The following ZNF738 variants were observed in gnomAD, a reference collection of about 807,000 sequenced individuals.
ZNF738 encodes the protein zinc finger protein 738, also known as protein ZNF738.
ZNF738 carries 10 observed loss-of-function variants against 9.2 expected under a neutral mutation model. That is an observed-to-expected ratio of 1.09 (90% CI 0.67 to 1.85). The LOEUF is 1.85. Among genes scored for constraint, ZNF738 ranks in the 40% most tolerant of loss-of-function variants. ZNF738 has a pLI of 0.00. For synonymous variants in ZNF738, 113 were observed against 94.5 expected (o/e 1.20, Z -1.14); for missense variants, 346 against 283.6 (o/e 1.22, Z -1.58).
Position 21,374,081 on chromosome 19 carries a change from C to T in ZNF738, c.97-1157C>T, listed in dbSNP as rs1310430140. ...AAGTGTTTCCCTTGTTGCTGTTGAACGTGGAAAGATGTGGATACTCAAGAT... is the reference window on the plus strand; with the variant it reads ...AAGTGTTTCCCTTGTTGCTGTTGAATGTGGAAAGATGTGGATACTCAAGAT... On this transcript the variant is annotated intron_variant, in intron 2 of 4. Transcript: ENST00000683779. 4.0e-5 allele frequency among the ~76,000 whole-genome samples: 6 copies of T among 151,736 alleles called. No homozygotes were observed. In the South Asian group the frequency reaches 6.2e-4, roughly 16 times the overall value.
At position 21,388,395 on chromosome 19, in the gene ZNF738, A is replaced by G. The variant is rs1974092729; in HGVS notation, c.*4721A>G. 6.6e-6 allele frequency among the ~76,000 whole-genome samples: 1 copy of G among 152,166 alleles called. No homozygotes were observed. Among genetic ancestry groups the G allele is most frequent in the East Asian group, 1.9e-4 (1 of 5,206 alleles). On this transcript the variant is annotated 3_prime_UTR_variant, in exon 5 of 5. Transcript: ENST00000683779. ...TCTATGGACAAGTAAGGACATTAGA[A>G]TGTAAGATGCATGATGAAAAAGTGG... is the stretch of plus-strand genomic sequence containing the variant.
chr19:21,379,885 A>G (rs1201736657), intron 4 of ZNF738, among the ~76,000 whole-genome samples: 1 of 152,220 alleles, frequency 6.6e-6, no homozygotes, highest in Non-Finnish European at 1.5e-5. Context: ...TAAAAGAAAC[A>G]TAAAGGAACT....
intron 1 of ZNF738, 87 bp downstream of exon 1, chr19:21,359,230 C>G (rs1391364106): frequency 3.4e-6 from 3 of 888,164 alleles, no homozygotes; most frequent in South Asian, 1.3e-5. Context: ...TCAGGCCTCC[C>G]CGCAGTCAGC....
At chr19:21,374,510 G>T (rs1446806244) in intron 2 of ZNF738, among the ~76,000 whole-genome samples, 2 of 152,180 alleles carry the variant, frequency 1.3e-5, no homozygotes, top group Non-Finnish European at 1.5e-5. Flanking sequence ...AAGAGCTCTT[G>T]GAAATATTCA....
At chr19:21,368,893 C>T (rs560300766) in intron 2 of ZNF738, among the ~76,000 whole-genome samples, 5 of 152,084 alleles carry the variant, frequency 3.3e-5, no homozygotes, top group Admixed American at 3.3e-4. Context: ...CTTGCCACGA[C>T]GCCCAGCTGA....
intron 2 of ZNF738, among the ~76,000 whole-genome samples, chr19:21,365,533 T>A (rs1340223729): frequency 6.6e-6 from 1 of 152,190 alleles, no homozygotes; most frequent in Non-Finnish European, 1.5e-5. Flanking sequence ...TATTCTTGCT[T>A]AACTATTAGA....
intron 2 of ZNF738, among the ~76,000 whole-genome samples, chr19:21,374,711 A>C (rs1368590441): frequency 6.6e-6 from 1 of 152,198 alleles, no homozygotes; most frequent in African/African-American, 2.4e-5. Context: ...GGGGTAAAAC[A>C]CAGGCTCTTC....
Position 21,387,920 on chromosome 19 carries a change from TG to T in ZNF738, c.*4248del, listed in dbSNP as rs1298621868. On this transcript the variant is annotated 3_prime_UTR_variant, in exon 5 of 5. Transcript: ENST00000683779. ...AAGTGTCTTGCAGATATAATAAATG[TG>T]GAAAAACACTTTTTCAAAAACTACA... Among the ~76,000 whole-genome samples, 1 of 152,150 alleles carries T rather than the reference TG, an allele frequency of 6.6e-6. No homozygotes were observed. The highest frequency in any genetic ancestry group is 1.5e-5 in the Non-Finnish European group (1 of 68,016).
chr19:21,371,817 C>T (rs1973860174), intron 2 of ZNF738: 1 of 152,080 alleles, frequency 6.6e-6, no homozygotes, highest in Non-Finnish European at 1.5e-5. Flanking sequence ...ACATATTTAT[C>T]TTCTAATAAA....
chr19:21,370,162 TTTAA>T (rs1324186240), intron 2 of ZNF738, among the ~76,000 whole-genome samples: 1 of 152,224 alleles, frequency 6.6e-6, no homozygotes, highest in Non-Finnish European at 1.5e-5. Context: ...GGTTTTTATC[TTTAA>T]TTGTGTTTAC....
In ZNF738 at chr19:21,383,367, C is replaced by A; in HGVS notation, c.821C>A (p.Thr274Asn). ...ECGKGFNHST[T>N]LTRHKVIHAG... ...GGAAAAGGTTTTAACCACTCCACAA[C>A]TCTTACTAGACATAAGGTAATTCAT... The change falls in exon 5 of 5, where the codon ACT (threonine) becomes AAT (asparagine). Residue 274 changes from threonine to asparagine, a missense_variant. Transcript: ENST00000683779. 1 of 1,039,004 alleles carries A rather than the reference C, an allele frequency of 9.6e-7. No homozygotes were observed. The highest frequency in any genetic ancestry group is 1.5e-6 in the Non-Finnish European group (1 of 683,048). 64.4% of individuals were successfully genotyped at this position (1,039,004 alleles called of 1,614,324 possible). A position where few individuals can be genotyped will look rare whatever the true frequency, so the allele number is the denominator to read the frequency against.
intron 4 of ZNF738, among the ~76,000 whole-genome samples, chr19:21,380,812 A>G (rs1973993753): frequency 6.6e-6 from 1 of 152,182 alleles, no homozygotes; most frequent in Non-Finnish European, 1.5e-5. Context: ...ACCAGCAGTC[A>G]GGACGTCCTG....
At position 21,385,169 on chromosome 19, in the gene ZNF738, G is replaced by C. The variant is rs1338455484; in HGVS notation, c.*1495G>C. On this transcript the variant is annotated 3_prime_UTR_variant, in exon 5 of 5. Coordinates refer to ENST00000683779, the MANE Select transcript of ZNF738 (RefSeq NM_001355237.2). The stretch of plus-strand genomic sequence containing the variant: ...TCCTCTACCCTTACTAAAGATAAAA[G>C]AGTTTGACTGGGTGCGGTGGCTCAT... Among the ~76,000 whole-genome samples, 1 of 151,776 alleles carries C rather than the reference G, an allele frequency of 6.6e-6. No homozygotes were observed. Among genetic ancestry groups the C allele is most frequent in the South Asian group, 2.1e-4 (1 of 4,814 alleles).
chr19:21,381,119 C>A (rs1217231986), intron 4 of ZNF738: 22 of 732,118 alleles, frequency 3.0e-5, no homozygotes, highest in Non-Finnish European at 4.0e-5. Context: ...CCTTACAAGG[C>A]AGCAGCACAT....
rs11879647 is a variant in ZNF738, at chr19:21,375,401, C to G, written c.223+37C>G. 6.9e-3 allele frequency: 4,307 copies of G among 624,962 alleles called. 91 individuals are homozygous for G. Among genetic ancestry groups the G allele is most frequent in the African/African-American group, 0.05 (2,661 of 52,958 alleles). The allele number at this position is 624,962 out of a possible 1,614,324, so 38.7% of individuals were successfully genotyped here. On this transcript the variant is annotated intron_variant, in intron 3 of 4. Transcript: ENST00000683779. ...TTTAATACACAATTCCTTATATACA[C>G]TAAAGGTTTCATTTCTCCATTTTTG...
intron 2 of ZNF738, among the ~76,000 whole-genome samples, chr19:21,365,160 C>A (rs980214770): frequency 6.6e-6 from 1 of 152,072 alleles, no homozygotes; most frequent in Non-Finnish European, 1.5e-5. Context: ...TGTAAACTGT[C>A]ATGGCACTGG....
At chr19:21,360,997 A>G (rs896184515) in intron 1 of ZNF738, among the ~76,000 whole-genome samples, 3 of 151,108 alleles carry the variant, frequency 2.0e-5, no homozygotes, top group Non-Finnish European at 4.4e-5. Flanking sequence ...TATTTTTAGA[A>G]GAGATAGGGT....
At chr19:21,362,064 A>G (rs973650633) in intron 2 of ZNF738, among the ~76,000 whole-genome samples, 5 of 151,374 alleles carry the variant, frequency 3.3e-5, no homozygotes, top group African/African-American at 1.2e-4. Context: ...CCTGGGCAAC[A>G]AGAGTGAAAC....
rs1417358658 is a variant in ZNF738 at position 21,387,478 on chromosome 19, C to T, written c.*3804C>T. Among the ~76,000 whole-genome samples, 1 of 152,178 alleles carries T rather than the reference C, an allele frequency of 6.6e-6. No homozygotes were observed. Among genetic ancestry groups the T allele is most frequent in the African/African-American group, 2.4e-5 (1 of 41,440 alleles). On this transcript the variant is annotated 3_prime_UTR_variant, in exon 5 of 5. Transcript: ENST00000683779. ...GTGCTGGGATTACAGGCATGAGCCA[C>T]CACTCCCTGCCTTACTTGATTACAT...
Sources: allele counts gnomAD v4.1 joint callset (sites outside exome capture counted in the v4.1 genomes callset), GRCh38; gene constraint gnomAD v4.1.1; transcripts MANE v1.5; gene names NCBI Gene and HGNC (gene_info 2026-07-23, HGNC 2026-07-21).